PTRH1: variants seen among roughly 807,000 people sequenced by gnomAD.
PTRH1 encodes the protein peptidyl-tRNA hydrolase.
In PTRH1, 13 loss-of-function variants were observed where a neutral mutation model predicts 15.7. That is an observed-to-expected ratio of 0.83 (90% CI 0.54 to 1.31). PTRH1 has a LOEUF of 1.31. PTRH1 is among the 40% of genes most tolerant of loss of function. PTRH1 has a pLI of 0.00. For missense variants in PTRH1, 319 were observed against 296.2 expected (o/e 1.08, Z -0.56); for synonymous variants, 139 against 136.7 (o/e 1.02, Z -0.12).
intron 1 of PTRH1, among the ~76,000 whole-genome samples, chr9:127,703,608 GAC>G (rs1005767382): frequency 8.5e-5 from 13 of 152,218 alleles, no homozygotes; most frequent in Admixed American, 8.5e-4. Flanking sequence ...TCGGCAGAGT[GAC>G]AGAGGTGTTT....
rs1842834153 is a variant in PTRH1, at chr9:127,714,037, GCT to G, written c.*61_*62del. ...AGTAGATACCAAGGCTGGCGTGGCA[GCT>G]CTGTGGCAGTGGCTGGGTTGGTGGG... is the stretch of plus-strand genomic sequence containing the variant. On this transcript the variant is annotated 3_prime_UTR_variant, in exon 5 of 5. Coordinates refer to ENST00000543175, the MANE Select transcript of PTRH1 (RefSeq NM_001002913.3). 1 of 1,591,552 alleles carries G rather than the reference GCT, an allele frequency of 6.3e-7. No homozygotes were observed. The highest frequency in any genetic ancestry group is 1.3e-5 in the African/African-American group (1 of 74,494).
chr9:127,697,126 T>C (rs1012790028), intron 1 of PTRH1, among the ~76,000 whole-genome samples: 3 of 152,186 alleles, frequency 2.0e-5, no homozygotes, highest in Admixed American at 2.0e-4. Context: ...CACTGAAATA[T>C]TTTAGTTATT....
chr9:127,712,463 G>A, downstream of PTRH1: 2 of 1,480,940 alleles, frequency 1.4e-6, no homozygotes, highest in Non-Finnish European at 1.8e-6. Context: ...TTCCCTGAGA[G>A]ACTCCTGGAA....
downstream of PTRH1, chr9:127,712,706 C>T (rs772244241): frequency 8.1e-6 from 13 of 1,614,056 alleles, no homozygotes; most frequent in South Asian, 1.1e-4. Context: ...CCCTCACCAA[C>T]AGATGCACCG....
chr9:127,707,120 A>G, intron 1 of PTRH1: 1 of 1,613,600 alleles, frequency 6.2e-7, no homozygotes, highest in Non-Finnish European at 8.5e-7. Context: ...GTGGCCGTGG[A>G]GCCGCCTCTG....
At position 127,715,088 on chromosome 9, in the gene PTRH1, C is replaced by A. The variant is rs755421693; in HGVS notation, c.203G>T (p.Arg68Leu). ...RRLGVAESWT[R>L]DRHCAADLAL... ...GAGGTCGGCGGCACAGTGCCGGTCG[C>A]GCGTCCAACTCTCCGCCACACCCAG... Residue 68 changes from arginine (R) to leucine (L), a missense_variant, in exon 2 of 5, where the codon CGC (arginine) becomes CTC (leucine). Transcript: ENST00000543175. This position sits in a 1 kb window ranked among gnomAD's most constrained non-coding sequence, Gnocchi z 5.8. 5.8e-5 allele frequency: 89 copies of A among 1,532,234 alleles called. No homozygotes were observed. The highest frequency in any genetic ancestry group is 2.6e-6 in the Non-Finnish European group (3 of 1,145,384). 94.9% of individuals were successfully genotyped at this position (1,532,234 alleles called of 1,614,324 possible). A position where few individuals can be genotyped will look rare whatever the true frequency, so the allele number is the denominator to read the frequency against.
downstream of PTRH1, chr9:127,711,801 C>A: frequency 6.4e-7 from 1 of 1,551,996 alleles, no homozygotes; most frequent in African/African-American, 1.4e-5. Context: ...AGGGCATGGC[C>A]ACCTGTCCGC....
chr9:127,701,878 C>T (rs990864770), intron 1 of PTRH1, among the ~76,000 whole-genome samples: 4 of 151,258 alleles, frequency 2.6e-5, no homozygotes, highest in Non-Finnish European at 5.9e-5. Context: ...CGCACCATTG[C>T]ACTCCAGCCT....
chr9:127,712,450 CT>C, downstream of PTRH1: 1 of 1,503,676 alleles, frequency 6.7e-7, no homozygotes, highest in East Asian at 2.3e-5. Flanking sequence ...AGAGGCCCCT[CT>C]TTTCCCTGAG....
At chr9:127,714,941 G>GGCCCCCCCCCCCCCC in intron 2 of PTRH1, 34 bp downstream of exon 2, 2 of 446,376 alleles carry the variant, frequency 4.5e-6, no homozygotes, top group South Asian at 2.1e-5. Flanking sequence ...CACCCCCTTG[G>GGCCCCCCCCCCCCCC]CCCGCCCGCC....
downstream of PTRH1, chr9:127,711,734 G>A (rs1842769492): frequency 2.1e-6 from 3 of 1,459,130 alleles, no homozygotes; most frequent in Admixed American, 2.1e-5. Flanking sequence ...TGGCCGCTCT[G>A]CATAGGGGAA....
chr9:127,700,587 T>C (rs1366112079), intron 1 of PTRH1, among the ~76,000 whole-genome samples: 1 of 152,158 alleles, frequency 6.6e-6, no homozygotes, highest in African/African-American at 2.4e-5. Context: ...CCAGCATTCA[T>C]GTTAAAATAG....
chr9:127,715,255 G>T lies in PTRH1; in HGVS notation c.97-61C>A. The T allele has an allele frequency of 6.7e-7, 1 of 1,487,216 alleles. No individual in the cohort carries two copies. The highest frequency in any genetic ancestry group is 9.1e-7 in the Non-Finnish European group (1 of 1,102,782). The allele number at this position is 1,487,216 out of a possible 1,614,324, so 92.1% of individuals were successfully genotyped here. A position where few individuals can be genotyped will look rare whatever the true frequency, so the allele number is the denominator to read the frequency against. ...CTCTCGCCACCCCCGATCTCACAGC[G>T]TCCCGTGGGCCCCAACGCAGAGGAG... is the stretch of plus-strand genomic sequence containing the variant. On this transcript the variant is annotated intron_variant, in intron 1 of 4. Coordinates refer to ENST00000543175, the MANE Select transcript of PTRH1 (RefSeq NM_001002913.3). The surrounding 1 kb of genome is among the most constrained non-coding windows in gnomAD (Gnocchi z 5.8).
intron 1 of PTRH1, among the ~76,000 whole-genome samples, chr9:127,699,347 CTG>C (rs1842586446): frequency 6.6e-6 from 1 of 152,258 alleles, no homozygotes; most frequent in African/African-American, 2.4e-5. Flanking sequence ...GGCCGAAACA[CTG>C]TGAGCAAGGA....
chr9:127,714,585 A>G lies in PTRH1; in HGVS notation c.416+18T>C, dbSNP rs886543521. ...GGCCTGAAGCCCTATCCCAACCCTG[A>G]CCATCTCAGGACCTCACCTGGCACT... On this transcript the variant is annotated intron_variant, in intron 3 of 4. Transcript: ENST00000543175. The G allele has an allele frequency of 1.2e-6, 2 of 1,611,794 alleles. No homozygotes were observed. The highest frequency in any genetic ancestry group is 2.7e-5 in the African/African-American group (2 of 74,820).
chr9:127,704,589 T>G (rs1418901292), intron 1 of PTRH1, among the ~76,000 whole-genome samples: 6 of 151,540 alleles, frequency 4.0e-5, no homozygotes, highest in Non-Finnish European at 8.8e-5. Flanking sequence ...CCTTGAGAGA[T>G]ATGCGACTGT....
chr9:127,711,871 G>C, downstream of PTRH1: 1 of 1,587,254 alleles, frequency 6.3e-7, no homozygotes, highest in Non-Finnish European at 8.6e-7. Context: ...GGACACCAAG[G>C]AGGCCGAGGA....
chr9:127,707,040 C>A (rs1242304153), intron 1 of PTRH1: 1 of 1,613,626 alleles, frequency 6.2e-7, no homozygotes, highest in East Asian at 2.2e-5. Flanking sequence ...CCATGGCTCC[C>A]AAAAAGAGTG....
downstream of PTRH1, chr9:127,709,721 G>A: frequency 6.2e-7 from 1 of 1,603,438 alleles, no homozygotes; most frequent in East Asian, 2.3e-5. This position sits in a 1 kb window ranked among gnomAD's most constrained non-coding sequence, Gnocchi z 4.7. Flanking sequence ...TGGTGAGCCT[G>A]CAGGCACACA....
Sources: allele counts gnomAD v4.1 joint callset (sites outside exome capture counted in the v4.1 genomes callset), GRCh38; gene constraint gnomAD v4.1.1; non-coding constraint Gnocchi (gnomAD v3.1); transcripts MANE v1.5; gene names NCBI Gene and HGNC (gene_info 2026-07-23, HGNC 2026-07-21).